Variants in PSD3 observed in about 807,000 individuals in gnomAD.
PSD3 encodes the protein pleckstrin and Sec7 domain containing 3, also known as PH and SEC7 domain-containing protein 3.
A neutral mutation model predicts 105.5 loss-of-function variants in PSD3; 49 were observed. The ratio of observed to expected loss-of-function variants is 0.46; its 90% CI spans 0.37 to 0.59. The LOEUF (loss-of-function observed/expected upper bound fraction) is 0.59. Among genes scored for constraint, PSD3 ranks in the 20% least tolerant of loss-of-function variants. The probability of loss-of-function intolerance (pLI) is 0.00; values close to 1 mark genes in which losing one functional copy is unlikely to be tolerated. For synonymous variants in PSD3, 557 were observed against 457.8 expected, an observed-to-expected ratio of 1.22 and a Z score of -2.77; for missense variants, 1,561 against 1,263.8, an observed-to-expected ratio of 1.24 and a Z score of -3.57.
intron 4 of PSD3, among the ~76,000 whole-genome samples, chr8:18,865,750 C>A (rs773785129): frequency 6.6e-6 from 1 of 152,134 alleles, no homozygotes; most frequent in Non-Finnish European, 1.5e-5. Context: ...TGGTCCTTTA[C>A]CACTAGACAA....
chr8:19,074,074 G>T (rs889723335), intron 1 of PSD3, among the ~76,000 whole-genome samples: 2 of 152,144 alleles, frequency 1.3e-5, no homozygotes, highest in African/African-American at 4.8e-5. Context: ...ACAGGCCCGA[G>T]CCACCGCGCC....
chr8:18,561,292 C>A (rs1357168546), intron 14 of PSD3, among the ~76,000 whole-genome samples: 3 of 152,142 alleles, frequency 2.0e-5, no homozygotes, highest in Admixed American at 2.0e-4. Flanking sequence ...ATTATTTATT[C>A]ACCCTTAAAA....
At chr8:18,650,715 A>G (rs1013977742) in intron 10 of PSD3, among the ~76,000 whole-genome samples, 3 of 152,244 alleles carry the variant, frequency 2.0e-5, no homozygotes, top group African/African-American at 7.2e-5. Context: ...AGATGAATAA[A>G]TAAATGATCC....
intron 1 of PSD3, among the ~76,000 whole-genome samples, chr8:19,000,255 G>T (rs1161377645): frequency 4.0e-5 from 6 of 151,456 alleles, no homozygotes; most frequent in Non-Finnish European, 7.4e-5. Context: ...AAATTAGCCA[G>T]GCATGTTAGT....
chr8:18,789,824 T>G (rs1029631629), intron 8 of PSD3, among the ~76,000 whole-genome samples: 2 of 152,218 alleles, frequency 1.3e-5, no homozygotes, highest in South Asian at 4.1e-4. Context: ...ACAATCAATT[T>G]GCAGAAAGTA....
At chr8:18,712,750 T>C (rs908858104) in intron 9 of PSD3, among the ~76,000 whole-genome samples, 19 of 152,040 alleles carry the variant, frequency 1.2e-4, no homozygotes, top group African/African-American at 3.1e-4. Flanking sequence ...TTCCAAAAAA[T>C]TGAAAAGGAA....
intron 10 of PSD3, among the ~76,000 whole-genome samples, chr8:18,646,573 T>C (rs1563417025): frequency 6.6e-6 from 1 of 151,672 alleles, no homozygotes; most frequent in East Asian, 1.9e-4. Flanking sequence ...TGTTGGCAAA[T>C]AAACAAAATG....
intron 1 of PSD3, among the ~76,000 whole-genome samples, chr8:18,982,581 T>A (rs1376051630): frequency 6.6e-6 from 1 of 152,200 alleles, no homozygotes; most frequent in Non-Finnish European, 1.5e-5. Flanking sequence ...CTTGAGTCAT[T>A]GGTTGCAGAA....
chr8:18,837,095 G>C (rs554980040), intron 4 of PSD3, among the ~76,000 whole-genome samples: 1 of 152,122 alleles, frequency 6.6e-6, no homozygotes, highest in African/African-American at 2.4e-5. Context: ...GGAGTGAGGA[G>C]CTATGGTCAG....
intron 9 of PSD3, among the ~76,000 whole-genome samples, chr8:18,764,760 CAAAA>C (rs1806829634): frequency 6.6e-6 from 1 of 152,102 alleles, no homozygotes; most frequent in South Asian, 2.1e-4. Flanking sequence ...AGGCTAGAAT[CAAAA>C]AGACAACTGT....
At chr8:18,797,061 C>T (rs145899849) in intron 8 of PSD3, among the ~76,000 whole-genome samples, 7 of 152,094 alleles carry the variant, frequency 4.6e-5, no homozygotes, top group African/African-American at 1.7e-4. Flanking sequence ...AAAAACTTAC[C>T]ACCTAGAAGA....
At chr8:18,715,583 A>G (rs1006972356) in intron 9 of PSD3, among the ~76,000 whole-genome samples, 5 of 152,196 alleles carry the variant, frequency 3.3e-5, no homozygotes, top group African/African-American at 1.2e-4. Flanking sequence ...TTGTCTCTGG[A>G]GCTAAATAAA....
chr8:18,884,628 TA>T (rs33977540), intron 2 of PSD3, among the ~76,000 whole-genome samples: 28,099 of 150,706 alleles, frequency 0.19, 3,615 homozygotes, highest in African/African-American at 0.34. Flanking sequence ...AGGAAAAAAA[TA>T]AAAAAAAACA....
chr8:18,710,751 G>C (rs188409776), intron 9 of PSD3, among the ~76,000 whole-genome samples: 1 of 151,926 alleles, frequency 6.6e-6, no homozygotes, highest in East Asian at 1.9e-4. Context: ...GCGTGATTTA[G>C]GCTCACTGCA....
intron 9 of PSD3, among the ~76,000 whole-genome samples, chr8:18,672,282 C>G (rs1208234783): frequency 6.6e-6 from 1 of 151,616 alleles, no homozygotes; most frequent in Non-Finnish European, 1.5e-5. Context: ...AGTTAACGTG[C>G]ACAGTTTATT....
At chr8:18,747,663 A>C (rs1366563472) in intron 9 of PSD3, among the ~76,000 whole-genome samples, 1 of 152,218 alleles carries the variant, frequency 6.6e-6, no homozygotes, top group Non-Finnish European at 1.5e-5. Context: ...AGTGACAAGA[A>C]TGAGACTGCC....
Position 18,633,043 on chromosome 8 carries a change from CTCAG to C in PSD3, c.2217-241_2217-238del, listed in dbSNP as rs1206445750. 3.3e-5 allele frequency among the ~76,000 whole-genome samples: 5 copies of C among 151,874 alleles called. No individual in the cohort carries two copies. The East Asian group carries it at 9.6e-4, about 29-fold the overall frequency. ...CCTCTATTACAGATAAGGAAATAGA[CTCAG>C]TGAGTTTAAATGTACAAGGCCACAG... On this transcript the variant is annotated intron_variant, in intron 10 of 15. Transcript: ENST00000327040.
At chr8:18,737,959 G>A (rs1804277256) in intron 9 of PSD3, among the ~76,000 whole-genome samples, 1 of 152,170 alleles carries the variant, frequency 6.6e-6, no homozygotes, top group Non-Finnish European at 1.5e-5. Context: ...GTGATCAAGA[G>A]AAACTGCTTA....
At chr8:18,796,485 G>T (rs1810189712) in intron 8 of PSD3, among the ~76,000 whole-genome samples, 2 of 152,178 alleles carry the variant, frequency 1.3e-5, no homozygotes, top group South Asian at 4.2e-4. Context: ...AAAAAGAAAG[G>T]GATTTCAACA....
Sources: allele counts gnomAD v4.1 joint callset (sites outside exome capture counted in the v4.1 genomes callset), GRCh38; gene constraint gnomAD v4.1.1; transcripts MANE v1.5; gene names NCBI Gene and HGNC (gene_info 2026-07-23, HGNC 2026-07-21).